Variants in SH3KBP1 observed in about 807,000 individuals in gnomAD.
The protein encoded by SH3KBP1 is SH3 domain containing kinase binding protein 1.
SH3KBP1 carries 8 observed loss-of-function variants against 50.1 expected under a neutral mutation model. The observed-to-expected ratio is 0.16, with a 90% confidence interval of 0.09 to 0.29. The LOEUF (loss-of-function observed/expected upper bound fraction) is 0.29. Among genes scored for constraint, SH3KBP1 ranks in the 10% least tolerant of loss-of-function variants. SH3KBP1 has a pLI of 1.00. For missense variants in SH3KBP1, 377 were observed against 535.2 expected, an observed-to-expected ratio of 0.70 and a Z score of 2.92; for synonymous variants, 227 against 218.6, an observed-to-expected ratio of 1.04 and a Z score of -0.34.
At chrX:19,583,752 G>C (rs1366782011) in intron 12 of SH3KBP1, among the ~76,000 whole-genome samples, 1 of 104,752 alleles carries the variant, frequency 9.5e-6, no homozygotes, top group Non-Finnish European at 1.9e-5. Context: ...ACTAATTATA[G>C]TATTATTATA....
chrX:19,884,597 C>A (rs1014836608), intron 1 of SH3KBP1, among the ~76,000 whole-genome samples: 2 of 112,300 alleles, frequency 1.8e-5, no homozygotes, highest in Non-Finnish European at 3.8e-5. Flanking sequence ...CAGACCAACA[C>A]ATTATGTTCA....
chrX:19,557,997 T>C (rs5909315), intron 13 of SH3KBP1, among the ~76,000 whole-genome samples: 35,849 of 111,330 alleles, frequency 0.32, 5,590 homozygotes, highest in African/African-American at 0.62. Flanking sequence ...GTGATTCACT[T>C]GGATTGATGA....
chrX:19,614,339 C>T (rs1244834170), intron 8 of SH3KBP1, among the ~76,000 whole-genome samples: 1 of 112,718 alleles, frequency 8.9e-6, no homozygotes, highest in Non-Finnish European at 1.9e-5. Context: ...ACCTGGTGTG[C>T]CTACCTCTAG....
intron 12 of SH3KBP1, among the ~76,000 whole-genome samples, chrX:19,572,504 T>C (rs1425988136): frequency 5.6e-5 from 6 of 107,697 alleles, no homozygotes; most frequent in Non-Finnish European, 9.5e-5. Flanking sequence ...ATATAGTACA[T>C]ATATATGTCA....
chrX:19,695,568 C>A, intron 5 of SH3KBP1, 44 bp downstream of exon 5: 1 of 1,197,752 alleles, frequency 8.3e-7, no homozygotes, highest in Non-Finnish European at 1.1e-6. Context: ...CACAGCCTGC[C>A]GGTCCCCCGC....
intron 6 of SH3KBP1, among the ~76,000 whole-genome samples, chrX:19,669,070 C>T (rs2062713266): frequency 1.0e-5 from 1 of 96,001 alleles, no homozygotes; most frequent in South Asian, 5.3e-4. Context: ...TCAGGCGATC[C>T]TCCCACCTCA....
chrX:19,587,760 A>G (rs762777194), intron 12 of SH3KBP1, among the ~76,000 whole-genome samples: 1 of 111,886 alleles, frequency 8.9e-6, no homozygotes, highest in Admixed American at 9.5e-5. Context: ...TCTGACTCCA[A>G]CGCAAGAGCT....
intron 1 of SH3KBP1, among the ~76,000 whole-genome samples, chrX:19,861,238 G>A (rs1005155311): frequency 6.4e-5 from 7 of 109,276 alleles, no homozygotes; most frequent in African/African-American, 2.3e-4. Flanking sequence ...TTAGCCAGGC[G>A]TGGTGGCAGG....
At chrX:19,882,716 T>C (rs2069473971) in intron 1 of SH3KBP1, among the ~76,000 whole-genome samples, 1 of 111,486 alleles carries the variant, frequency 9.0e-6, no homozygotes, top group African/African-American at 3.3e-5. Flanking sequence ...CATGAACAAA[T>C]ATTACACCCT....
chrX:19,567,572 A>ATATG, intron 13 of SH3KBP1, among the ~76,000 whole-genome samples: 1 of 80,443 alleles, frequency 1.2e-5, no homozygotes, highest in Admixed American at 1.7e-4. Context: ...ATATATATAT[A>ATATG]TTGCATAGAG....
intron 6 of SH3KBP1, among the ~76,000 whole-genome samples, chrX:19,680,199 AC>A (rs1409368478): frequency 2.8e-5 from 3 of 107,927 alleles, no homozygotes; most frequent in Non-Finnish European, 5.8e-5. Context: ...ACGTGGTGAA[AC>A]CCCGTCTCTA....
chrX:19,550,157 T>C (rs975464552), intron 13 of SH3KBP1, 74 bp from the exon 14 acceptor site: 4 of 632,988 alleles, frequency 6.3e-6, no homozygotes, highest in Non-Finnish European at 1.0e-5. Flanking sequence ...TAAGCACCTC[T>C]CTTCCTCAAT....
rs1386345664 is a variant in SH3KBP1, at chrX:19,846,220, T to C, written c.5-9938A>G. ...GCATGCACCACCACACCCAGCTAAA[T>C]TTTTTTTTAAGTAGAGATGGGGTTT... On this transcript the variant is annotated intron_variant, in intron 1 of 17. Transcript: ENST00000397821. 3.6e-5 allele frequency among the ~76,000 whole-genome samples: 4 copies of C among 109,796 alleles called. No individual in the cohort carries two copies. In the East Asian group the frequency reaches 1.1e-3, roughly 31 times the overall value.
chrX:19,632,651 G>A (rs1161785445), intron 7 of SH3KBP1, among the ~76,000 whole-genome samples: 1 of 112,671 alleles, frequency 8.9e-6, no homozygotes, highest in Non-Finnish European at 1.9e-5. Flanking sequence ...TCACCAAAGA[G>A]GGAAAAATAC....
At chrX:19,548,678 A>G (rs967368971) in intron 14 of SH3KBP1, among the ~76,000 whole-genome samples, 3 of 111,664 alleles carry the variant, frequency 2.7e-5, no homozygotes, top group East Asian at 5.6e-4. Flanking sequence ...TTTCTTCTAA[A>G]TGATGACACC....
chrX:19,682,939 G>A (rs1245445189), intron 6 of SH3KBP1, among the ~76,000 whole-genome samples: 1 of 104,747 alleles, frequency 9.5e-6, no homozygotes, highest in Non-Finnish European at 2.0e-5. Context: ...ACACTTAAAA[G>A]CCACCCATAA....
intron 2 of SH3KBP1, among the ~76,000 whole-genome samples, chrX:19,819,913 C>T (rs891700908): frequency 2.7e-5 from 3 of 111,505 alleles, no homozygotes; most frequent in Non-Finnish European, 5.6e-5. Flanking sequence ...GTTGTATGTT[C>T]ATTTTCATTC....
chrX:19,821,861 A>G (rs1367636283), intron 2 of SH3KBP1, among the ~76,000 whole-genome samples: 1 of 112,421 alleles, frequency 8.9e-6, no homozygotes, highest in Non-Finnish European at 1.9e-5. Flanking sequence ...ATTTAAGGAT[A>G]GGTCTGCTAT....
chrX:19,549,446 T>C (rs149766460), intron 14 of SH3KBP1, among the ~76,000 whole-genome samples: 5,551 of 111,147 alleles, frequency 0.05, 162 homozygotes, highest in Non-Finnish European at 0.076. Flanking sequence ...TCCTGAGTGT[T>C]CCAATCAGTC....
Sources: gnomAD v4.1 joint callset for allele counts (sites outside exome capture counted in the v4.1 genomes callset) on GRCh38, gnomAD v4.1.1 for gene constraint, MANE v1.5 for transcripts, NCBI Gene and HGNC (gene_info 2026-07-23, HGNC 2026-07-21) for gene names.